CNTNAP4: variants seen among roughly 807,000 people sequenced by gnomAD.
CNTNAP4 encodes the protein contactin associated protein family member 4, also known as contactin-associated protein-like 4.
A neutral mutation model predicts 148.4 loss-of-function variants in CNTNAP4; 98 were observed. The ratio of observed to expected loss-of-function variants is 0.66; its 90% CI spans 0.56 to 0.78. The LOEUF (loss-of-function observed/expected upper bound fraction) is 0.78, where lower values mean the gene tolerates loss of function less well. Among genes scored for constraint, CNTNAP4 ranks in the 30% least tolerant of loss-of-function variants. The pLI, the probability that CNTNAP4 is intolerant of heterozygous loss-of-function variation, is 0.00. For synonymous variants in CNTNAP4, 730 were observed against 565.1 expected, an observed-to-expected ratio of 1.29 and a Z score of -4.14; for missense variants, 1,935 against 1,565.6, an observed-to-expected ratio of 1.24 and a Z score of -3.98.
At chr16:76,519,410 G>GA (rs1216331875) in intron 15 of CNTNAP4, among the ~76,000 whole-genome samples, 8 of 151,878 alleles carry the variant, frequency 5.3e-5, no homozygotes, top group African/African-American at 1.5e-4. Context: ...GATATAATAT[G>GA]AAAAAAATAA....
intron 2 of CNTNAP4, among the ~76,000 whole-genome samples, chr16:76,332,346 C>T (rs934281382): frequency 6.6e-6 from 1 of 152,160 alleles, no homozygotes; most frequent in South Asian, 2.1e-4. Flanking sequence ...CTGCAGCCTC[C>T]ACCTCTTAGG....
chr16:76,418,398 T>C (rs2079062027), intron 3 of CNTNAP4, among the ~76,000 whole-genome samples: 1 of 123,534 alleles, frequency 8.1e-6, no homozygotes, highest in Non-Finnish European at 1.8e-5. Context: ...TTCTTTTATA[T>C]ATATATATTT....
At chr16:76,350,225 T>C (rs1426333271) in intron 2 of CNTNAP4, among the ~76,000 whole-genome samples, 2 of 152,162 alleles carry the variant, frequency 1.3e-5, no homozygotes, top group East Asian at 1.9e-4. Context: ...TGGGGTGATA[T>C]GTAAAGTGAC....
chr16:76,535,583 A>G lies in CNTNAP4; in HGVS notation c.2794A>G (p.Ile932Val), dbSNP rs1395451841. The G allele has an allele frequency of 6.2e-7, 1 of 1,612,704 alleles. No individual in the cohort carries two copies. The highest frequency in any genetic ancestry group is 1.1e-5 in the South Asian group (1 of 91,010). ...ATRQRGFLGC[I>V]RSLQLNGMTL... ...CAGACAGAGAGGCTTTCTGGGCTGCATTCGGTCTCTGCAGTTGAATGGGAT... is the reference window on the plus strand; with the variant it reads ...CAGACAGAGAGGCTTTCTGGGCTGCGTTCGGTCTCTGCAGTTGAATGGGAT... The change falls in exon 18 of 24, where the codon ATT (isoleucine) becomes GTT (valine). Residue 932 changes from isoleucine to valine, a missense_variant. Ile to Val is a conservative substitution (Grantham distance 29). Coordinates refer to ENST00000611870, the MANE Select transcript of CNTNAP4 (RefSeq NM_033401.5).
At chr16:76,462,278 G>C (rs957879949) in intron 9 of CNTNAP4, among the ~76,000 whole-genome samples, 173 bp downstream of exon 9, 1 of 152,148 alleles carries the variant, frequency 6.6e-6, no homozygotes, top group African/African-American at 2.4e-5. Flanking sequence ...GACCTGAAAT[G>C]CATTTCTGCA....
intron 2 of CNTNAP4, among the ~76,000 whole-genome samples, chr16:76,327,710 A>C (rs141143252): frequency 1.3e-5 from 2 of 152,256 alleles, no homozygotes; most frequent in East Asian, 3.9e-4. Flanking sequence ...TCATTCTAGT[A>C]GTGAGGGATG....
chr16:76,286,961 G>C (rs933048601), intron 1 of CNTNAP4, among the ~76,000 whole-genome samples: 2 of 152,120 alleles, frequency 1.3e-5, no homozygotes, highest in Non-Finnish European at 2.9e-5. Flanking sequence ...GCTCAATTAG[G>C]CTCTTTTGTT....
At chr16:76,281,886 C>A (rs1446312567) in intron 1 of CNTNAP4, among the ~76,000 whole-genome samples, 1 of 151,650 alleles carries the variant, frequency 6.6e-6, no homozygotes, top group Non-Finnish European at 1.5e-5. Context: ...TATTAGTAAA[C>A]CTGCATGACA....
chr16:76,454,446 G>A (rs1410433747), intron 8 of CNTNAP4, among the ~76,000 whole-genome samples: 1 of 152,110 alleles, frequency 6.6e-6, no homozygotes, highest in African/African-American at 2.4e-5. Context: ...TTAAATTCAT[G>A]TATAATATAA....
chr16:76,476,073 GC>G, intron 11 of CNTNAP4, 28 bp downstream of exon 11: 1 of 1,492,132 alleles, frequency 6.7e-7, no homozygotes, highest in Non-Finnish European at 9.4e-7. Flanking sequence ...GCTTTTTCTT[GC>G]CCCTGTGATG....
At chr16:76,376,556 G>A (rs1268619653) in intron 3 of CNTNAP4, among the ~76,000 whole-genome samples, 1 of 152,218 alleles carries the variant, frequency 6.6e-6, no homozygotes, top group African/African-American at 2.4e-5. Flanking sequence ...GGAGGTGTGA[G>A]AATGGTACCT....
At chr16:76,428,625 G>A (rs1383829239) in intron 4 of CNTNAP4, among the ~76,000 whole-genome samples, 1 of 151,878 alleles carries the variant, frequency 6.6e-6, no homozygotes, top group Non-Finnish European at 1.5e-5. Flanking sequence ...GTTTGCGTGG[G>A]TACTCTCCTG....
chr16:76,307,707 A>G (rs1048434352), intron 1 of CNTNAP4, among the ~76,000 whole-genome samples: 2 of 151,776 alleles, frequency 1.3e-5, no homozygotes, highest in Non-Finnish European at 2.9e-5. Flanking sequence ...AAAAATTATT[A>G]TTTCTTCTAC....
At chr16:76,429,628 C>G (rs765989058) in intron 4 of CNTNAP4, among the ~76,000 whole-genome samples, 10 of 152,102 alleles carry the variant, frequency 6.6e-5, no homozygotes, top group Non-Finnish European at 1.5e-4. Flanking sequence ...GTTTTGCTGG[C>G]TCTAAAGCAC....
chr16:76,346,292 G>A (rs1964893997), intron 2 of CNTNAP4, among the ~76,000 whole-genome samples: 1 of 152,032 alleles, frequency 6.6e-6, no homozygotes. Flanking sequence ...CTATGCCCTA[G>A]TAATGCCGGC....
Position 76,491,701 on chromosome 16 carries a change from G to C in CNTNAP4, c.2080+1818G>C, listed in dbSNP as rs1361785842. ...AATGCTGTGGAACAAAATGAACTCA[G>C]GTCATTTATGTGGAAAAGAGAGATA... On this transcript the variant is annotated intron_variant, in intron 13 of 23. Transcript: ENST00000611870. Among the ~76,000 whole-genome samples, 3 of 152,194 alleles carry C rather than the reference G, an allele frequency of 2.0e-5. No individual in the cohort carries two copies. In the East Asian group the frequency reaches 5.8e-4, roughly 29 times the overall value.
chr16:76,403,182 T>C (rs901053021), intron 3 of CNTNAP4, among the ~76,000 whole-genome samples: 19 of 151,566 alleles, frequency 1.3e-4, no homozygotes, highest in African/African-American at 4.1e-4. Flanking sequence ...AAGCTCCACC[T>C]TCCAGGTTCA....
At chr16:76,505,318 C>T (rs1054225501) in intron 15 of CNTNAP4, among the ~76,000 whole-genome samples, 3 of 99,194 alleles carry the variant, frequency 3.0e-5, no homozygotes, top group African/African-American at 7.6e-5. Flanking sequence ...CTATTGATAA[C>T]GTGCAACAAC....
At chr16:76,509,235 A>G (rs1441009854) in intron 15 of CNTNAP4, among the ~76,000 whole-genome samples, 1 of 96,244 alleles carries the variant, frequency 1.0e-5, no homozygotes, top group African/African-American at 2.6e-5. Flanking sequence ...ATAATTCCTC[A>G]TGGTGGTTGA....
Sources: gnomAD v4.1 joint callset for allele counts (sites outside exome capture counted in the v4.1 genomes callset) on GRCh38, gnomAD v4.1.1 for gene constraint, MANE v1.5 for transcripts, NCBI Gene and HGNC (gene_info 2026-07-23, HGNC 2026-07-21) for gene names.